Variants in SLC39A11 observed in about 807,000 individuals in gnomAD.
The protein encoded by SLC39A11 is zinc transporter ZIP11.
SLC39A11 carries 33 observed loss-of-function variants against 36.1 expected under a neutral mutation model. The ratio of observed to expected loss-of-function variants is 0.91; its 90% CI spans 0.69 to 1.22. The LOEUF is 1.22. Among genes scored for constraint, SLC39A11 ranks in the 50% most tolerant of loss-of-function variants. The pLI is 0.00. For synonymous variants in SLC39A11, 166 were observed against 170.3 expected, an observed-to-expected ratio of 0.97 and a Z score of 0.20; for missense variants, 432 against 430.3, an observed-to-expected ratio of 1.00 and a Z score of -0.03.
chr17:73,061,088 G>A (rs917368742), intron 3 of SLC39A11, among the ~76,000 whole-genome samples: 5 of 152,208 alleles, frequency 3.3e-5, no homozygotes, highest in African/African-American at 9.7e-5. Flanking sequence ...CTCACCGAGC[G>A]TGGTGGCTCA....
chr17:72,795,570 C>A (rs970339198), intron 6 of SLC39A11, among the ~76,000 whole-genome samples: 1 of 152,100 alleles, frequency 6.6e-6, no homozygotes, highest in South Asian at 2.1e-4. Flanking sequence ...AGAAGTGAAC[C>A]ACTGAGAAGT....
chr17:72,903,271 G>GAAA lies in SLC39A11; in HGVS notation c.430+44478_430+44480dup, dbSNP rs11450652. ...ACAGAGCAAGACTCTGTCTCGAAAAGAAAAAAAAAAAAAAAAAAGAAATTC... is the reference window on the plus strand; with the variant it reads ...ACAGAGCAAGACTCTGTCTCGAAAAGAAAAAAAAAAAAAAAAAAAAAGAAATTC... On this transcript the variant is annotated intron_variant, in intron 5 of 9. Transcript: ENST00000255559. 4.2e-3 allele frequency among the ~76,000 whole-genome samples: 473 copies of GAAA among 113,324 alleles called. 12 individuals are homozygous for GAAA. Among genetic ancestry groups the GAAA allele is most frequent in the African/African-American group, 0.013 (426 of 32,772 alleles). The allele number at this position is 113,324 out of a possible 152,430, so 74.3% of individuals were successfully genotyped here.
chr17:72,697,794 T>C (rs1325772353), intron 7 of SLC39A11, among the ~76,000 whole-genome samples: 1 of 143,584 alleles, frequency 7.0e-6, no homozygotes, highest in South Asian at 2.3e-4. Flanking sequence ...CTCCTATGTC[T>C]GATTTGACTG....
At chr17:73,015,926 G>A (rs1452994804) in intron 4 of SLC39A11, among the ~76,000 whole-genome samples, 1 of 152,126 alleles carries the variant, frequency 6.6e-6, no homozygotes, top group Non-Finnish European at 1.5e-5. Flanking sequence ...GAATGGCGGT[G>A]CTTTCTCATC....
intron 1 of SLC39A11, 47 bp from the exon 2 acceptor site, chr17:73,088,822 T>C: frequency 7.2e-7 from 1 of 1,394,520 alleles, no homozygotes; most frequent in Admixed American, 2.0e-5. Flanking sequence ...TCCGTTTCAG[T>C]GACAGGCGCA....
At chr17:72,667,329 G>A (rs1348306961) in intron 7 of SLC39A11, among the ~76,000 whole-genome samples, 1 of 152,216 alleles carries the variant, frequency 6.6e-6, no homozygotes, top group Non-Finnish European at 1.5e-5. Context: ...AAAGCACATG[G>A]CCTGCTGACT....
rs71154945 is a variant in SLC39A11, at chr17:73,020,680, C to CTTTTTTTT, written c.306+10868_306+10875dup. Among the ~76,000 whole-genome samples, 373 of 98,842 alleles carry CTTTTTTTT rather than the reference C, an allele frequency of 3.8e-3. 4 individuals carry two copies. The highest frequency in any genetic ancestry group is 5.6e-3 in the African/African-American group (140 of 25,006). 64.8% of individuals were successfully genotyped at this position (98,842 alleles called of 152,430 possible). ...TTTTGGGGGGTCTTTTTGTTTCTTT[C>CTTTTTTTT]TTTTTTTTTTTTTTTTTTTTTGAGA... On this transcript the variant is annotated intron_variant, in intron 4 of 9. Coordinates refer to ENST00000255559, the MANE Select transcript of SLC39A11 (RefSeq NM_139177.4).
At chr17:72,680,041 C>CAAAAAAAAAAAAAAAAAAAAAAAAAAAA (rs199650969) in intron 7 of SLC39A11, among the ~76,000 whole-genome samples, 1 of 71,664 alleles carries the variant, frequency 1.4e-5, no homozygotes. Flanking sequence ...GACTCTGTCT[C>CAAAAAAAAAAAAAAAAAAAAAAAAAAAA]AAAAAAAAAA....
intron 4 of SLC39A11, among the ~76,000 whole-genome samples, chr17:72,971,444 C>T (rs2087446765): frequency 6.6e-6 from 1 of 151,978 alleles, no homozygotes; most frequent in South Asian, 2.1e-4. Context: ...TGGCACAGCG[C>T]CCCCCGATTT....
chr17:72,732,040 C>CTTTTTTTTTTTTTTTTTTTTTTTTT (rs764728558), intron 7 of SLC39A11, among the ~76,000 whole-genome samples: 3 of 33,656 alleles, frequency 8.9e-5, no homozygotes, highest in African/African-American at 1.2e-4. Context: ...CTTTTCTTTT[C>CTTTTTTTTTTTTTTTTTTTTTTTTT]TTTTTTTTTT....
chr17:73,038,790 G>A (rs112311271), intron 3 of SLC39A11, among the ~76,000 whole-genome samples: 4,965 of 141,174 alleles, frequency 0.035, 118 homozygotes, highest in Middle Eastern at 0.07. Context: ...GGAGGAGGGA[G>A]GAGGGAGGGA....
At chr17:72,910,572 A>G (rs2082926889) in intron 5 of SLC39A11, among the ~76,000 whole-genome samples, 1 of 143,424 alleles carries the variant, frequency 7.0e-6, no homozygotes, top group East Asian at 2.1e-4. Context: ...TGCAGTGAGC[A>G]GAGATCGTGT....
chr17:73,060,341 AC>A (rs2059805253), intron 3 of SLC39A11, among the ~76,000 whole-genome samples: 1 of 151,928 alleles, frequency 6.6e-6, no homozygotes, highest in East Asian at 1.9e-4. Context: ...TACCAAAATA[AC>A]TTTTTGTCCT....
At chr17:72,726,315 A>G (rs2073930325) in intron 7 of SLC39A11, among the ~76,000 whole-genome samples, 2 of 152,208 alleles carry the variant, frequency 1.3e-5, no homozygotes, top group African/African-American at 4.8e-5. Flanking sequence ...CGCCACAACA[A>G]TGAAGTCTCC....
At chr17:72,766,463 G>C (rs972806233) in intron 6 of SLC39A11, among the ~76,000 whole-genome samples, 1 of 152,114 alleles carries the variant, frequency 6.6e-6, no homozygotes, top group African/African-American at 2.4e-5. Flanking sequence ...CCACCTCAAG[G>C]CCTTGTACCA....
intron 4 of SLC39A11, among the ~76,000 whole-genome samples, chr17:72,964,358 T>C (rs1203376472): frequency 3.3e-5 from 5 of 152,238 alleles, no homozygotes; most frequent in Admixed American, 6.5e-5. Flanking sequence ...CATGGTTACC[T>C]TGGCCTCCCG....
chr17:72,677,918 C>G (rs2071345521), intron 7 of SLC39A11, among the ~76,000 whole-genome samples: 1 of 152,196 alleles, frequency 6.6e-6, no homozygotes, highest in South Asian at 2.1e-4. Flanking sequence ...TTGGAAACAA[C>G]GTCACCACCT....
chr17:72,899,263 C>A (rs1332847102), intron 5 of SLC39A11, among the ~76,000 whole-genome samples: 1 of 151,866 alleles, frequency 6.6e-6, no homozygotes, highest in African/African-American at 2.4e-5. Flanking sequence ...TCCCCTGCCA[C>A]CACTCTTGCT....
chr17:72,769,273 G>A (rs974109632), intron 6 of SLC39A11, among the ~76,000 whole-genome samples: 6 of 152,130 alleles, frequency 3.9e-5, no homozygotes, highest in Admixed American at 2.0e-4. Context: ...TCTTTCCAAC[G>A]TGTCACTCAT....
Sources: allele counts gnomAD v4.1 joint callset (sites outside exome capture counted in the v4.1 genomes callset), GRCh38; gene constraint gnomAD v4.1.1; transcripts MANE v1.5; gene names NCBI Gene and HGNC (gene_info 2026-07-23, HGNC 2026-07-21).